MECOM: variants seen among roughly 807,000 people sequenced by gnomAD.
MECOM encodes MDS1 and EVI1 complex locus.
A neutral mutation model predicts 116.3 loss-of-function variants in MECOM; 13 were observed. That is an observed-to-expected ratio of 0.11 (90% CI 0.07 to 0.18). The LOEUF (loss-of-function observed/expected upper bound fraction) is 0.18, where lower values mean the gene tolerates loss of function less well. Among genes scored for constraint, MECOM ranks in the 10% least tolerant of loss-of-function variants. The pLI, the probability that MECOM is intolerant of heterozygous loss-of-function variation, is 1.00. For missense variants in MECOM, 1,299 were observed against 1,509.0 expected (o/e 0.86, Z 2.31); for synonymous variants, 528 against 535.2 (o/e 0.99, Z 0.19).
intron 1 of MECOM, among the ~76,000 whole-genome samples, chr3:169,547,318 C>A (rs931674758): frequency 6.6e-6 from 1 of 152,178 alleles, no homozygotes; most frequent in African/African-American, 2.4e-5. Flanking sequence ...TGAGGCCTCC[C>A]AGCAATGCTT....
chr3:169,086,565 C>T lies in MECOM; in HGVS notation c.3586-1522G>A, dbSNP rs181186941. 4 of 701,366 alleles carry T rather than the reference C, an allele frequency of 5.7e-6. No homozygotes were observed. The Admixed American group carries it at 6.0e-5, about 11-fold the overall frequency. The allele number at this position is 701,366 out of a possible 1,614,324, so 43.4% of individuals were successfully genotyped here. A position where few individuals can be genotyped will look rare whatever the true frequency, so the allele number is the denominator to read the frequency against. On this transcript the variant is annotated intron_variant, in intron 16 of 16. Coordinates refer to ENST00000651503, the MANE Select transcript of MECOM (RefSeq NM_004991.4). ...TTAACCTTTTAAGCTTTACTTTCCTCCTATAAAACAGATGATAGTAATAAC... is the reference window on the plus strand; with the variant it reads ...TTAACCTTTTAAGCTTTACTTTCCTTCTATAAAACAGATGATAGTAATAAC...
At position 169,095,060 on chromosome 3, in the gene MECOM, A is replaced by T. The variant is rs1338324690; in HGVS notation, c.3019+16T>A. The T allele has an allele frequency of 3.9e-6, 6 of 1,530,530 alleles. No individual in the cohort carries two copies. In the Admixed American group the frequency reaches 1.0e-4, roughly 25 times the overall value. The allele number at this position is 1,530,530 out of a possible 1,614,324, so 94.8% of individuals were successfully genotyped here. On this transcript the variant is annotated intron_variant, in intron 13 of 16. Transcript: ENST00000651503. ...AAAGAAGTCATCTTTGACTTATAAC[A>T]CAATTTATTACGTACCGGACATGTT...
intron 8 of MECOM, 25 bp from the exon 9 acceptor site, chr3:169,112,899 G>A (rs372073290): frequency 6.5e-7 from 1 of 1,539,182 alleles, no homozygotes; most frequent in Non-Finnish European, 9.0e-7. Flanking sequence ...TTAGATTTTG[G>A]AGATGAAGCA....
chr3:169,515,080 G>A (rs978033257), intron 1 of MECOM, among the ~76,000 whole-genome samples: 2 of 152,078 alleles, frequency 1.3e-5, no homozygotes, highest in African/African-American at 4.8e-5. Flanking sequence ...TTCTGAGAAT[G>A]ACAGTAGGGA....
intron 1 of MECOM, chr3:169,484,126 A>T: frequency 1.3e-6 from 1 of 771,214 alleles, no homozygotes; most frequent in Non-Finnish European, 2.1e-6. Context: ...TAGTAAACAA[A>T]AAGTGATTCT....
intron 2 of MECOM, among the ~76,000 whole-genome samples, chr3:169,299,158 G>A (rs189928348): frequency 6.6e-6 from 1 of 152,198 alleles, no homozygotes; most frequent in East Asian, 1.9e-4. Flanking sequence ...AATTGCCTCA[G>A]AGACAATTTC....
intron 2 of MECOM, among the ~76,000 whole-genome samples, chr3:169,300,864 GT>G (rs1174632272): frequency 6.6e-6 from 1 of 152,158 alleles, no homozygotes; most frequent in Non-Finnish European, 1.5e-5. Flanking sequence ...GGAGCCTGGG[GT>G]TCTATTAGCT....
rs965262912 is a variant in MECOM, at chr3:169,169,986, C to T, written c.376-26154G>A. On this transcript the variant is annotated intron_variant, in intron 2 of 16. Transcript: ENST00000651503. ...GTAGTTCCTACTGGAAATGAAATCC[C>T]CAGACTATCACAAAAGCTATTTCAT... is the stretch of plus-strand genomic sequence containing the variant. Among the ~76,000 whole-genome samples the T allele has an allele frequency of 3.9e-5, 6 of 152,052 alleles. No homozygotes were observed. In the East Asian group the frequency reaches 1.2e-3, roughly 29 times the overall value.
At position 169,378,489 on chromosome 3, in the gene MECOM, GAAAGAAAGAAAGAAAGAAAGAAAGA is replaced by G. The variant is rs1167033856; in HGVS notation, c.375+2673_375+2697del. Among the ~76,000 whole-genome samples the G allele has an allele frequency of 2.3e-4, 7 of 30,266 alleles. No individual in the cohort carries two copies. In the East Asian group the frequency reaches 4.8e-3, roughly 21 times the overall value. The allele number at this position is 30,266 out of a possible 152,430, so 19.9% of individuals were successfully genotyped here. On this transcript the variant is annotated intron_variant, in intron 2 of 16. Coordinates refer to ENST00000651503, the MANE Select transcript of MECOM (RefSeq NM_004991.4). ...AGCAAGCAAGCAAGAAAGAGAGAGA[GAAAGAAAGAAAGAAAGAAAGAAAGA>G]AAAGAAAGAAAGAAAGAAAGAAAGA... is the stretch of plus-strand genomic sequence containing the variant.
chr3:169,548,559 T>C (rs1215596412), intron 1 of MECOM, among the ~76,000 whole-genome samples: 3 of 152,252 alleles, frequency 2.0e-5, no homozygotes, highest in Admixed American at 1.3e-4. Context: ...ATAAACCTCC[T>C]GCAACATCTT....
intron 1 of MECOM, among the ~76,000 whole-genome samples, chr3:169,462,688 T>G (rs1747653683): frequency 6.6e-6 from 1 of 152,180 alleles, no homozygotes; most frequent in South Asian, 2.1e-4. Context: ...CAGTCTTGGA[T>G]AGGGGCTTGG....
intron 16 of MECOM, among the ~76,000 whole-genome samples, chr3:169,085,420 A>G (rs1717348137): frequency 6.6e-6 from 1 of 152,218 alleles, no homozygotes; most frequent in Non-Finnish European, 1.5e-5. Flanking sequence ...AAATATTAAT[A>G]AGATATAGAC....
At chr3:169,267,274 C>T (rs1394413884) in intron 2 of MECOM, among the ~76,000 whole-genome samples, 4 of 152,218 alleles carry the variant, frequency 2.6e-5, no homozygotes, top group Non-Finnish European at 5.9e-5. Context: ...TTTTTGGGGT[C>T]TCTGTTACTC....
intron 2 of MECOM, among the ~76,000 whole-genome samples, chr3:169,191,111 G>A (rs1747470987): frequency 6.6e-6 from 1 of 151,942 alleles, no homozygotes; most frequent in African/African-American, 2.4e-5. Context: ...ATCTGAAAAT[G>A]AACTTGAGAG....
intron 2 of MECOM, among the ~76,000 whole-genome samples, chr3:169,289,322 T>C (rs1714027483): frequency 6.6e-6 from 1 of 152,200 alleles, no homozygotes; most frequent in South Asian, 2.1e-4. Context: ...CTCACTAACC[T>C]GTAATTATAT....
intron 1 of MECOM, among the ~76,000 whole-genome samples, chr3:169,486,995 GA>G (rs1752457836): frequency 6.6e-6 from 1 of 151,694 alleles, no homozygotes; most frequent in Non-Finnish European, 1.5e-5. Context: ...GTTCTATTTA[GA>G]TTTTTTTTAA....
chr3:169,545,540 T>C (rs57938244), intron 1 of MECOM, among the ~76,000 whole-genome samples: 23,731 of 152,254 alleles, frequency 0.16, 2,236 homozygotes, highest in East Asian at 0.35. Flanking sequence ...TACCCTAAGT[T>C]TGTAATAATT....
intron 1 of MECOM, among the ~76,000 whole-genome samples, chr3:169,506,029 C>T (rs1014066438): frequency 2.0e-5 from 3 of 152,160 alleles, no homozygotes; most frequent in Non-Finnish European, 4.4e-5. Flanking sequence ...CCCACTTGTC[C>T]ATTATATAAT....
intron 1 of MECOM, among the ~76,000 whole-genome samples, chr3:169,417,280 A>G (rs1349514577): frequency 1.3e-5 from 2 of 149,620 alleles, no homozygotes; most frequent in Non-Finnish European, 3.0e-5. Flanking sequence ...AAACAACCCC[A>G]TCAAAAAGTG....
Sources: allele counts gnomAD v4.1 joint callset (sites outside exome capture counted in the v4.1 genomes callset), GRCh38; gene constraint gnomAD v4.1.1; transcripts MANE v1.5; gene names NCBI Gene and HGNC (gene_info 2026-07-23, HGNC 2026-07-21).